Variants in CASQ2 observed in about 807,000 individuals in gnomAD.
The protein encoded by CASQ2 is calsequestrin-2.
Under a neutral mutation model 46.5 loss-of-function variants are expected in CASQ2, and 49 were observed. That is an observed-to-expected ratio of 1.05 (90% CI 0.84 to 1.34). CASQ2 has a LOEUF of 1.34. Ranked by LOEUF, CASQ2 falls within the 40% of genes most tolerant of loss-of-function variation. CASQ2 has a pLI of 0.00. For synonymous variants in CASQ2, 174 were observed against 168.5 expected, an observed-to-expected ratio of 1.03 and a Z score of -0.25; for missense variants, 486 against 481.3, an observed-to-expected ratio of 1.01 and a Z score of -0.09.
intron 8 of CASQ2, among the ~76,000 whole-genome samples, chr1:115,712,715 G>A (rs867344136): frequency 2.0e-5 from 3 of 152,052 alleles, no homozygotes; most frequent in Non-Finnish European, 2.9e-5. Context: ...ACTTAGCCAG[G>A]TGTGGTGGCC....
At chr1:115,756,699 C>A (rs1016666187) in intron 1 of CASQ2, among the ~76,000 whole-genome samples, 1 of 152,142 alleles carries the variant, frequency 6.6e-6, no homozygotes, top group Non-Finnish European at 1.5e-5. Flanking sequence ...GTAATCCCAG[C>A]ACTTTGGGAG....
chr1:115,755,609 G>T (rs1648729173), intron 1 of CASQ2, among the ~76,000 whole-genome samples: 1 of 152,168 alleles, frequency 6.6e-6, no homozygotes, highest in Non-Finnish European at 1.5e-5. Flanking sequence ...TCTGACTAGT[G>T]TTTATTTTGA....
chr1:115,767,780 A>C (rs1053308584), intron 1 of CASQ2, among the ~76,000 whole-genome samples: 1 of 152,216 alleles, frequency 6.6e-6, no homozygotes, highest in Non-Finnish European at 1.5e-5. Context: ...GAAGATCTGC[A>C]CACAACTACA....
rs533170730 is a variant in CASQ2 at position 115,759,240 on chromosome 1, G to A, written c.234+9068C>T. ...ATGTTGAAATTTTATTCCCAATATG[G>A]TAGTGTTCAGCAGTAGGGTCTAGTC... On this transcript the variant is annotated intron_variant, in intron 1 of 10. Transcript: ENST00000261448. Among the ~76,000 whole-genome samples the A allele has an allele frequency of 1.3e-4, 20 of 152,280 alleles. 2 individuals carry two copies. In the South Asian group the frequency reaches 4.2e-3, roughly 32 times the overall value.
At chr1:115,756,330 G>A (rs1210534026) in intron 1 of CASQ2, among the ~76,000 whole-genome samples, 4 of 152,176 alleles carry the variant, frequency 2.6e-5, no homozygotes, top group Admixed American at 1.3e-4. Context: ...GATAATTCTG[G>A]CCTACCACAT....
At chr1:115,705,128 T>C in intron 9 of CASQ2, 64 bp downstream of exon 9, 1 of 1,036,474 alleles carries the variant, frequency 9.6e-7, no homozygotes, top group Non-Finnish European at 1.5e-6. Context: ...CCTCCTCAGA[T>C]GCTGAACGCA....
chr1:115,715,383 C>T lies in CASQ2; in HGVS notation c.838+2457G>A, dbSNP rs116952763. 5.3e-4 allele frequency among the ~76,000 whole-genome samples: 80 copies of T among 152,234 alleles called. 2 individuals carry two copies. The East Asian group carries it at 0.015, about 28-fold the overall frequency. ...TGATACAATGGAATATTATTCGGCC[C>T]TTAAAAGGAATGATATGTGCAATGT... is the stretch of plus-strand genomic sequence containing the variant. On this transcript the variant is annotated intron_variant, in intron 8 of 10. Coordinates refer to ENST00000261448, the MANE Select transcript of CASQ2 (RefSeq NM_001232.4).
chr1:115,714,538 T>C (rs1654640305), intron 8 of CASQ2, among the ~76,000 whole-genome samples: 1 of 152,076 alleles, frequency 6.6e-6, no homozygotes, highest in Non-Finnish European at 1.5e-5. Flanking sequence ...TCTTCTTCCT[T>C]GGGGTGGTGG....
chr1:115,720,727 CCT>C (rs926880673), intron 7 of CASQ2, among the ~76,000 whole-genome samples: 4 of 152,178 alleles, frequency 2.6e-5, no homozygotes, highest in Admixed American at 6.5e-5. Context: ...TGTACGCCCC[CCT>C]GTCGCAGCAG....
chr1:115,753,322 G>A (rs574264335), intron 1 of CASQ2, among the ~76,000 whole-genome samples: 1 of 152,304 alleles, frequency 6.6e-6, no homozygotes, highest in African/African-American at 2.4e-5. Flanking sequence ...AGGCAGAGCG[G>A]AGCTATGGGA....
chr1:115,738,414 G>C (rs367626528), intron 3 of CASQ2, 79 bp from the exon 4 acceptor site: 25 of 945,424 alleles, frequency 2.6e-5, no homozygotes, highest in South Asian at 2.2e-4. Context: ...TGCATTGGAG[G>C]GAAGTTGTAG....
intron 2 of CASQ2, 96 bp from the exon 3 acceptor site, chr1:115,740,924 T>C: frequency 4.9e-6 from 4 of 821,472 alleles, no homozygotes; most frequent in South Asian, 4.2e-5. Flanking sequence ...TGGGTGACAG[T>C]GGGGTCAGGA....
At chr1:115,766,861 G>GAGATGAT (rs1553197772) in intron 1 of CASQ2, among the ~76,000 whole-genome samples, 21 of 143,694 alleles carry the variant, frequency 1.5e-4, no homozygotes, top group Admixed American at 1.1e-3. Flanking sequence ...GGGGGAGCTA[G>GAGATGAT]AGATGATAGA....
chr1:115,745,986 T>C (rs1648372465), intron 1 of CASQ2, among the ~76,000 whole-genome samples: 1 of 152,220 alleles, frequency 6.6e-6, no homozygotes, highest in South Asian at 2.1e-4. Context: ...TTCGTGTCCC[T>C]ATCCCCTCTT....
At chr1:115,741,591 C>T (rs1570835707) in intron 2 of CASQ2, among the ~76,000 whole-genome samples, 1 of 152,168 alleles carries the variant, frequency 6.6e-6, no homozygotes, top group Non-Finnish European at 1.5e-5. Flanking sequence ...ACATCAGCAA[C>T]CCATTAATGT....
intron 1 of CASQ2, among the ~76,000 whole-genome samples, chr1:115,760,107 A>G (rs1350172054): frequency 6.6e-6 from 1 of 152,208 alleles, no homozygotes; most frequent in Non-Finnish European, 1.5e-5. Context: ...TCAGATATGA[A>G]TCCCTGCACC....
At chr1:115,751,431 A>C (rs1460419134) in intron 1 of CASQ2, among the ~76,000 whole-genome samples, 2 of 91,308 alleles carry the variant, frequency 2.2e-5, no homozygotes, top group South Asian at 4.1e-4. Context: ...GCACTTTGGG[A>C]GGCGAGGCAG....
At chr1:115,758,623 C>T (rs766199217) in intron 1 of CASQ2, among the ~76,000 whole-genome samples, 2 of 152,168 alleles carry the variant, frequency 1.3e-5, no homozygotes, top group Non-Finnish European at 2.9e-5. Flanking sequence ...GATTAATGTC[C>T]TCCGTGGGTG....
chr1:115,706,111 G>A (rs994726653), intron 8 of CASQ2, among the ~76,000 whole-genome samples: 1 of 152,088 alleles, frequency 6.6e-6, no homozygotes, highest in East Asian at 1.9e-4. Context: ...GATTCTGGAA[G>A]GTCCCTGAGA....
Sources: allele counts gnomAD v4.1 joint callset (sites outside exome capture counted in the v4.1 genomes callset), GRCh38; gene constraint gnomAD v4.1.1; transcripts MANE v1.5; gene names NCBI Gene and HGNC (gene_info 2026-07-23, HGNC 2026-07-21).